NELL1: variants seen among roughly 807,000 people sequenced by gnomAD.
The protein encoded by NELL1 is neural EGFL like 1, also known as protein kinase C-binding protein NELL1.
A neutral mutation model predicts 107.4 loss-of-function variants in NELL1; 76 were observed. The observed-to-expected ratio is 0.71, with a 90% confidence interval of 0.59 to 0.86. The LOEUF (loss-of-function observed/expected upper bound fraction) is 0.86, where lower values mean the gene tolerates loss of function less well. NELL1 is among the 40% of genes least tolerant of loss of function. The pLI is 0.00. For missense variants in NELL1, 1,024 were observed against 1,005.5 expected, an observed-to-expected ratio of 1.02 and a Z score of -0.25; for synonymous variants, 353 against 341.2, an observed-to-expected ratio of 1.03 and a Z score of -0.38.
intron 14 of NELL1, among the ~76,000 whole-genome samples, chr11:21,235,514 T>C (rs1858183380): frequency 6.6e-6 from 1 of 152,142 alleles, no homozygotes. Flanking sequence ...TAGAGACTGA[T>C]GGAGCGGGGA....
At chr11:20,974,475 A>T (rs1851564492) in intron 12 of NELL1, among the ~76,000 whole-genome samples, 1 of 152,014 alleles carries the variant, frequency 6.6e-6, no homozygotes, top group South Asian at 2.1e-4. Flanking sequence ...GATTCCTGTT[A>T]TCTTTTTTTT....
intron 15 of NELL1, among the ~76,000 whole-genome samples, chr11:21,490,467 A>C (rs994021519): frequency 1.3e-5 from 2 of 151,074 alleles, no homozygotes; most frequent in African/African-American, 2.4e-5. Context: ...CCAAAAAAAA[A>C]AAAAAAAAAA....
At chr11:21,282,478 C>CA (rs35632941) in intron 14 of NELL1, among the ~76,000 whole-genome samples, 3,780 of 73,750 alleles carry the variant, frequency 0.051, 113 homozygotes, top group African/African-American at 0.1. Flanking sequence ...GACTCTGTCT[C>CA]AAAAAAAAAA....
intron 13 of NELL1, among the ~76,000 whole-genome samples, chr11:21,152,867 A>G (rs553528747): frequency 3.0e-4 from 46 of 152,234 alleles, no homozygotes; most frequent in Non-Finnish European, 3.5e-4. Flanking sequence ...TATATCCTGA[A>G]TGATTTCAGA....
At chr11:21,498,965 A>G (rs1431222131) in intron 15 of NELL1, among the ~76,000 whole-genome samples, 6 of 152,004 alleles carry the variant, frequency 3.9e-5, no homozygotes, top group South Asian at 2.1e-4. Context: ...GCCCATATTT[A>G]TACTGTATCA....
At chr11:20,855,220 A>T (rs1678201022) in intron 4 of NELL1, among the ~76,000 whole-genome samples, 3 of 151,630 alleles carry the variant, frequency 2.0e-5, no homozygotes, top group African/African-American at 7.3e-5. Flanking sequence ...CCTTTCGTTA[A>T]CGATTGCCTC....
chr11:20,704,656 C>T (rs1161756643), intron 2 of NELL1, among the ~76,000 whole-genome samples: 3 of 152,078 alleles, frequency 2.0e-5, no homozygotes, highest in Non-Finnish European at 2.9e-5. Flanking sequence ...TTGTTCCTTT[C>T]CATGTTCAGT....
intron 2 of NELL1, among the ~76,000 whole-genome samples, chr11:20,777,525 G>A (rs76504974): frequency 6.4e-4 from 97 of 152,322 alleles, no homozygotes; most frequent in African/African-American, 2.2e-3. Flanking sequence ...AGACCAAATA[G>A]TGGGACATGT....
chr11:21,250,022 T>C (rs1858597190), intron 14 of NELL1, among the ~76,000 whole-genome samples: 2 of 152,210 alleles, frequency 1.3e-5, no homozygotes, highest in Non-Finnish European at 2.9e-5. Context: ...TTGATTTATA[T>C]TGGGTTTAAA....
intron 2 of NELL1, among the ~76,000 whole-genome samples, chr11:20,748,907 GCCACCCAT>G (rs1564891802): frequency 4.5e-5 from 2 of 44,836 alleles, no homozygotes; most frequent in African/African-American, 1.4e-4. Context: ...CATCCACCCA[GCCACCCAT>G]CCATCCATCC....
chr11:21,451,649 C>G (rs1411046740), intron 15 of NELL1, among the ~76,000 whole-genome samples: 1 of 152,060 alleles, frequency 6.6e-6, no homozygotes, highest in African/African-American at 2.4e-5. Context: ...TAAATGTAGA[C>G]TGATTAATGT....
At chr11:21,169,776 C>G in intron 13 of NELL1, 14 of 1,276,930 alleles carry the variant, frequency 1.1e-5, no homozygotes, top group Non-Finnish European at 1.5e-5. Context: ...GCGGTGGAGT[C>G]CCTCCTGCCG....
chr11:21,172,914 GTGTC>G (rs1416741872), intron 13 of NELL1, among the ~76,000 whole-genome samples: 6 of 129,504 alleles, frequency 4.6e-5, no homozygotes, highest in Admixed American at 3.1e-4. Context: ...TGGCAGGTGT[GTGTC>G]TGTCTGTGTG....
intron 13 of NELL1, among the ~76,000 whole-genome samples, chr11:21,205,549 G>T (rs1343788612): frequency 6.6e-6 from 1 of 152,206 alleles, no homozygotes; most frequent in Non-Finnish European, 1.5e-5. Flanking sequence ...CCCTTAGCTT[G>T]CTGGGCTCTG....
intron 4 of NELL1, among the ~76,000 whole-genome samples, chr11:20,879,854 G>C (rs957978533): frequency 5.3e-5 from 8 of 152,014 alleles, no homozygotes; most frequent in Middle Eastern, 3.2e-3. Context: ...GTTAAAGAAA[G>C]CTGAAAAAAA....
At chr11:20,933,303 G>A (rs1850655835) in intron 9 of NELL1, among the ~76,000 whole-genome samples, 1 of 152,234 alleles carries the variant, frequency 6.6e-6, no homozygotes, top group South Asian at 2.1e-4. Context: ...GTATTGTTTT[G>A]CATGAGACAA....
chr11:20,834,938 A>G (rs1848505493), intron 3 of NELL1, among the ~76,000 whole-genome samples: 2 of 152,174 alleles, frequency 1.3e-5, no homozygotes, highest in Non-Finnish European at 2.9e-5. Context: ...GAAAAGGGCC[A>G]TATGTCAGTG....
intron 12 of NELL1, among the ~76,000 whole-genome samples, chr11:21,046,677 A>ATTAT (rs34098589): frequency 0.32 from 46,383 of 143,356 alleles, 7,796 homozygotes; most frequent in African/African-American, 0.4. Context: ...TATTTACTCA[A>ATTAT]TTATTTATTT....
intron 12 of NELL1, among the ~76,000 whole-genome samples, chr11:21,078,822 A>T (rs1440475818): frequency 6.6e-6 from 1 of 152,112 alleles, no homozygotes; most frequent in Non-Finnish European, 1.5e-5. Context: ...AAATCACCAC[A>T]TCAGGTACAA....
Sources: gnomAD v4.1 joint callset for allele counts (sites outside exome capture counted in the v4.1 genomes callset) on GRCh38, gnomAD v4.1.1 for gene constraint, MANE v1.5 for transcripts, NCBI Gene and HGNC (gene_info 2026-07-23, HGNC 2026-07-21) for gene names.